Variants in MEIS2 observed in about 807,000 individuals in gnomAD.
The protein encoded by MEIS2 is homeobox protein Meis2.
A neutral mutation model predicts 58.6 loss-of-function variants in MEIS2; 9 were observed. The ratio of observed to expected loss-of-function variants is 0.15; its 90% CI spans 0.09 to 0.27. MEIS2 has a LOEUF of 0.27. Among genes scored for constraint, MEIS2 ranks in the 10% least tolerant of loss-of-function variants. The probability of loss-of-function intolerance (pLI) is 1.00; values close to 1 mark genes in which losing one functional copy is unlikely to be tolerated. For synonymous variants in MEIS2, 221 were observed against 228.4 expected (o/e 0.97, Z 0.29); for missense variants, 427 against 635.0 (o/e 0.67, Z 3.52).
At chr15:37,079,457 TC>T (rs1424875673) in intron 7 of MEIS2, among the ~76,000 whole-genome samples, 1 of 151,988 alleles carries the variant, frequency 6.6e-6, no homozygotes, top group African/African-American at 2.4e-5. Context: ...GAATAAGAAA[TC>T]CCAGTAGAAC....
At chr15:36,970,312 G>C (rs1158595854) in intron 8 of MEIS2, among the ~76,000 whole-genome samples, 2 of 151,798 alleles carry the variant, frequency 1.3e-5, no homozygotes, top group African/African-American at 2.4e-5. Context: ...GCTGAGGCAG[G>C]AGAATGGCGT....
chr15:36,913,990 G>C (rs2057159078), intron 9 of MEIS2, among the ~76,000 whole-genome samples: 1 of 152,204 alleles, frequency 6.6e-6, no homozygotes, highest in African/African-American at 2.4e-5. Flanking sequence ...ATGAGCCATA[G>C]TTTCTTGGCC....
intron 9 of MEIS2, among the ~76,000 whole-genome samples, chr15:36,941,258 C>A (rs561858662): frequency 2.0e-5 from 3 of 152,260 alleles, no homozygotes; most frequent in African/African-American, 4.8e-5. Flanking sequence ...ACCCAGGAAA[C>A]CTGTGACCAA....
At chr15:36,961,516 G>A (rs1461286163) in intron 8 of MEIS2, among the ~76,000 whole-genome samples, 1 of 151,936 alleles carries the variant, frequency 6.6e-6, no homozygotes, top group East Asian at 1.9e-4. Context: ...GGAAACTTAC[G>A]GACTAAAAGA....
intron 7 of MEIS2, among the ~76,000 whole-genome samples, chr15:37,053,189 G>A (rs970511728): frequency 4.6e-5 from 7 of 152,162 alleles, no homozygotes; most frequent in Non-Finnish European, 1.0e-4. Context: ...TGTAAGATCA[G>A]ACCTAAGAGC....
At chr15:37,095,862 G>C in intron 3 of MEIS2, 1 of 561,270 alleles carries the variant, frequency 1.8e-6, no homozygotes, top group Non-Finnish European at 3.1e-6. Flanking sequence ...TCGTTCTCAG[G>C]GCCTCGAGTT....
At chr15:37,018,872 A>C (rs1344159290) in intron 8 of MEIS2, among the ~76,000 whole-genome samples, 4 of 152,168 alleles carry the variant, frequency 2.6e-5, no homozygotes, top group African/African-American at 9.7e-5. Context: ...GGAATGGAGA[A>C]GTCTGGAGTG....
chr15:36,890,822 A>G lies in MEIS2; in HGVS notation c.*1351T>C, dbSNP rs1007582935. 4 of 152,204 alleles carry G rather than the reference A, an allele frequency of 2.6e-5. No individual in the cohort carries two copies. The highest frequency in any genetic ancestry group is 5.9e-5 in the Non-Finnish European group (4 of 68,024). The allele number at this position is 152,204 out of a possible 1,614,324, so 9.4% of individuals were successfully genotyped here. ...TTTCAACCTGGCTCATCATGTACAC[A>G]TAGTTTCGTACCTTTAGAAGTTTTC... On this transcript the variant is annotated 3_prime_UTR_variant, in exon 12 of 12. Coordinates refer to ENST00000561208, the MANE Select transcript of MEIS2 (RefSeq NM_170675.5).
At chr15:36,904,910 T>C (rs2056655942) in intron 9 of MEIS2, among the ~76,000 whole-genome samples, 1 of 152,206 alleles carries the variant, frequency 6.6e-6, no homozygotes, top group African/African-American at 2.4e-5. Flanking sequence ...TGCATAATCC[T>C]GTTCTCAACA....
At chr15:37,043,836 T>C (rs1035027624) in intron 7 of MEIS2, among the ~76,000 whole-genome samples, 11 of 152,102 alleles carry the variant, frequency 7.2e-5, no homozygotes, top group Admixed American at 3.3e-4. Context: ...TACAGGCGCG[T>C]GCCACCACGC....
rs1046654151 is a variant in MEIS2 at position 36,891,692 on chromosome 15, G to C, written c.*481C>G. The C allele has an allele frequency of 6.4e-6, 1 of 157,432 alleles. No individual in the cohort carries two copies. The highest frequency in any genetic ancestry group is 1.4e-5 in the Non-Finnish European group (1 of 70,918). The allele number at this position is 157,432 out of a possible 1,614,324, so 9.8% of individuals were successfully genotyped here. On this transcript the variant is annotated 3_prime_UTR_variant, in exon 12 of 12. Transcript: ENST00000561208. The stretch of plus-strand genomic sequence containing the variant: ...TGAGGTTCAGCCAAAAGTTCATCAT[G>C]ATCTCCAGTGTGGTTCTTTTCTCAT...
intron 7 of MEIS2, among the ~76,000 whole-genome samples, chr15:37,045,864 A>C (rs2062644882): frequency 6.6e-6 from 1 of 152,202 alleles, no homozygotes; most frequent in Non-Finnish European, 1.5e-5. Context: ...CCGACATTAA[A>C]GAGAGGACAG....
At chr15:37,021,224 A>G (rs1294531699) in intron 8 of MEIS2, among the ~76,000 whole-genome samples, 1 of 152,250 alleles carries the variant, frequency 6.6e-6, no homozygotes, top group African/African-American at 2.4e-5. Flanking sequence ...ATTAAGGACA[A>G]GAAACTAGAC....
At chr15:37,055,717 C>T (rs1378628776) in intron 7 of MEIS2, among the ~76,000 whole-genome samples, 1 of 152,192 alleles carries the variant, frequency 6.6e-6, no homozygotes, top group African/African-American at 2.4e-5. Context: ...ACGGAAAGCT[C>T]GGCCCTGGTG....
At chr15:36,964,861 A>C (rs1390024478) in intron 8 of MEIS2, among the ~76,000 whole-genome samples, 1 of 152,172 alleles carries the variant, frequency 6.6e-6, no homozygotes, top group East Asian at 1.9e-4. Flanking sequence ...TACTGGCAGA[A>C]ATAGGTTGGA....
chr15:36,949,556 C>A (rs766059989), intron 9 of MEIS2, among the ~76,000 whole-genome samples: 1 of 151,918 alleles, frequency 6.6e-6, no homozygotes. Flanking sequence ...GCCTGAAATC[C>A]GTGCAAATAC....
intron 8 of MEIS2, among the ~76,000 whole-genome samples, chr15:36,973,752 G>T (rs889457128): frequency 9.2e-5 from 14 of 151,476 alleles, no homozygotes; most frequent in African/African-American, 3.2e-4. Context: ...AACTGTAACT[G>T]AACTTTTAAT....
intron 10 of MEIS2, among the ~76,000 whole-genome samples, chr15:36,895,551 TA>T (rs1485041927): frequency 6.6e-6 from 1 of 152,190 alleles, no homozygotes; most frequent in African/African-American, 2.4e-5. Flanking sequence ...CTGGAGAAGT[TA>T]GGGGTACCCC....
At chr15:37,047,003 T>G (rs370295518) in intron 7 of MEIS2, among the ~76,000 whole-genome samples, 12 of 152,172 alleles carry the variant, frequency 7.9e-5, no homozygotes, top group African/African-American at 2.9e-4. Context: ...CCTCTGCCAT[T>G]ATAATTCAGC....
Sources: allele counts gnomAD v4.1 joint callset (sites outside exome capture counted in the v4.1 genomes callset), GRCh38; gene constraint gnomAD v4.1.1; transcripts MANE v1.5; gene names NCBI Gene and HGNC (gene_info 2026-07-23, HGNC 2026-07-21).